Variants in MGLL observed in about 807,000 individuals in gnomAD.
MGLL encodes the protein lysophospholipase homolog.
MGLL carries 7 observed loss-of-function variants against 29.1 expected under a neutral mutation model. The observed-to-expected ratio is 0.24, with a 90% CI of 0.14 to 0.45. MGLL has a LOEUF of 0.45. MGLL is among the 20% of genes least tolerant of loss of function. MGLL has a pLI of 0.99. For missense variants in MGLL, 356 were observed against 413.6 expected, an observed-to-expected ratio of 0.86 and a Z score of 1.21; for synonymous variants, 148 against 168.3, an observed-to-expected ratio of 0.88 and a Z score of 0.93.
At chr3:127,786,680 T>A (rs2077219237) in intron 2 of MGLL, among the ~76,000 whole-genome samples, 1 of 152,244 alleles carries the variant, frequency 6.6e-6, no homozygotes, top group African/African-American at 2.4e-5. Context: ...ATGCCTTTGT[T>A]TATTAATCAG....
chr3:127,797,897 C>A (rs1228549890), intron 2 of MGLL, among the ~76,000 whole-genome samples: 1 of 152,184 alleles, frequency 6.6e-6, no homozygotes, highest in African/African-American at 2.4e-5. Flanking sequence ...TGTGGGCCCA[C>A]CATACCTGGC....
chr3:127,769,743 T>C (rs1559958135), intron 3 of MGLL, among the ~76,000 whole-genome samples: 1 of 152,184 alleles, frequency 6.6e-6, no homozygotes, highest in Admixed American at 6.5e-5. Flanking sequence ...GCCCAGACAG[T>C]GCAGGCACAT....
chr3:127,715,124 C>T (rs1382472309), intron 5 of MGLL, among the ~76,000 whole-genome samples: 1 of 152,172 alleles, frequency 6.6e-6, no homozygotes, highest in Non-Finnish European at 1.5e-5. Context: ...AACACCTCCT[C>T]CCAGTGCTGC....
At chr3:127,792,533 T>C (rs140819811) in intron 2 of MGLL, among the ~76,000 whole-genome samples, 1,966 of 152,156 alleles carry the variant, frequency 0.013, 35 homozygotes, top group South Asian at 0.037. Flanking sequence ...GAAACCCCGT[T>C]CTCTACTAAA....
rs900332246 is a variant in MGLL, at chr3:127,761,776, C to T, written c.262+20013G>A. 1.3e-5 allele frequency among the ~76,000 whole-genome samples: 2 copies of T among 152,152 alleles called. No individual in the cohort carries two copies. Among genetic ancestry groups the T allele is most frequent in the African/African-American group, 4.8e-5 (2 of 41,424 alleles). On this transcript the variant is annotated intron_variant, in intron 3 of 7. Transcript: ENST00000265052. The surrounding 1 kb of genome is among the most constrained non-coding windows in gnomAD (Gnocchi z 4.6). ...TTCATCGGCCGGGCCCTTGGGACCCCAGCTCTTCAGGGAGGGACTCCAGGC... is the reference window on the plus strand; with the variant it reads ...TTCATCGGCCGGGCCCTTGGGACCCTAGCTCTTCAGGGAGGGACTCCAGGC...
chr3:127,695,096 C>A lies in MGLL; in HGVS notation c.695G>T (p.Arg232Leu). Residue 232 changes from arginine (R) to leucine (L), a missense_variant, in exon 7 of 8, where the codon CGC becomes CTC. Arg to Leu is a moderately radical substitution (Grantham distance 102). Coordinates refer to ENST00000265052, the MANE Select transcript of MGLL (RefSeq NM_007283.7). ...QLLNAVSRVE[R>L]ALPKLTVPFL... ...GGGCACAGTCAGCTTGGGGAGGGCG[C>A]GCTCCACCCGTGAGACGGCATTCAG... The A allele has an allele frequency of 1.9e-6, 3 of 1,614,146 alleles. No individual in the cohort carries two copies. The highest frequency in any genetic ancestry group is 2.5e-6 in the Non-Finnish European group (3 of 1,180,034).
intron 3 of MGLL, among the ~76,000 whole-genome samples, chr3:127,780,251 A>G (rs2077099875): frequency 6.6e-6 from 1 of 152,254 alleles, no homozygotes; most frequent in Non-Finnish European, 1.5e-5. Flanking sequence ...TTTATCCGAT[A>G]AGAAGGTGGT....
In MGLL at chr3:127,722,760, A is replaced by T. The variant is rs528529612; in HGVS notation, c.263-194T>A. Among the ~76,000 whole-genome samples, 11 of 152,240 alleles carry T rather than the reference A, an allele frequency of 7.2e-5. No homozygotes were observed. In the South Asian group the frequency reaches 8.3e-4, roughly 11 times the overall value. Reference sequence around the variant, plus strand: ...TATGGATTAGGAAACTGAGGCACAGAGTGGTTGAGGAATGTGCCCAAGATC... The same window carrying T: ...TATGGATTAGGAAACTGAGGCACAGTGTGGTTGAGGAATGTGCCCAAGATC... On this transcript the variant is annotated intron_variant, in intron 3 of 7. Transcript: ENST00000265052.
chr3:127,762,314 T>C (rs1188814647), intron 3 of MGLL, among the ~76,000 whole-genome samples: 1 of 152,156 alleles, frequency 6.6e-6, no homozygotes, highest in African/African-American at 2.4e-5. Flanking sequence ...TAGTTCTTGG[T>C]GGGCCAGCCA....
At chr3:127,734,476 C>T (rs2076209122) in intron 3 of MGLL, among the ~76,000 whole-genome samples, 1 of 152,162 alleles carries the variant, frequency 6.6e-6, no homozygotes, top group African/African-American at 2.4e-5. Context: ...ACTGGGGGTT[C>T]GGCACAGACA....
intron 3 of MGLL, among the ~76,000 whole-genome samples, chr3:127,747,166 A>T (rs1043268321): frequency 5.9e-5 from 9 of 152,108 alleles, no homozygotes; most frequent in African/African-American, 1.9e-4. Context: ...GCTGTTGGGA[A>T]CATCTGGAGA....
At chr3:127,742,629 G>C (rs1326603501) in intron 3 of MGLL, among the ~76,000 whole-genome samples, 1 of 142,170 alleles carries the variant, frequency 7.0e-6, no homozygotes, top group Non-Finnish European at 1.5e-5. Context: ...AGAAGGCATT[G>C]TTTTGGTCTG....
rs1274845088 is a variant in MGLL, at chr3:127,689,766, CG to C, written c.*2431del. 4.6e-5 allele frequency: 7 copies of C among 152,232 alleles called. No individual in the cohort carries two copies. Among genetic ancestry groups the C allele is most frequent in the African/African-American group, 1.7e-4 (7 of 41,452 alleles). The allele number at this position is 152,232 out of a possible 1,614,324, so 9.4% of individuals were successfully genotyped here. A position where few individuals can be genotyped will look rare whatever the true frequency, so the allele number is the denominator to read the frequency against. On this transcript the variant is annotated 3_prime_UTR_variant, in exon 8 of 8. Transcript: ENST00000265052. ...TTCACAGCTTTCCAAGGACAGGGAC[CG>C]GCTCTGGAGTGGCCGTGCGTGAGAT...
rs1390549536 is a variant in MGLL, at chr3:127,692,044, A to C, written c.*154T>G. 7 of 1,081,046 alleles carry C rather than the reference A, an allele frequency of 6.5e-6. No individual in the cohort carries two copies. The African/African-American group carries it at 1.1e-4, about 17-fold the overall frequency. 67.0% of individuals were successfully genotyped at this position (1,081,046 alleles called of 1,614,324 possible). Reference sequence around the variant, plus strand: ...GTCTGATAGTCTAATGTATAACAAAAATGTCTGTTATTTTTTAGAAAATTG... The same window carrying C: ...GTCTGATAGTCTAATGTATAACAAACATGTCTGTTATTTTTTAGAAAATTG... On this transcript the variant is annotated 3_prime_UTR_variant, in exon 8 of 8. Coordinates refer to ENST00000265052, the MANE Select transcript of MGLL (RefSeq NM_007283.7).
intron 2 of MGLL, among the ~76,000 whole-genome samples, chr3:127,812,279 A>C (rs2077675911): frequency 6.6e-6 from 1 of 152,198 alleles, no homozygotes; most frequent in Admixed American, 6.5e-5. Context: ...CACATAAAAG[A>C]AAAGTGTTGA....
chr3:127,757,860 G>A lies in MGLL; in HGVS notation c.262+23929C>T, dbSNP rs1483594884. ...AACAGATTGCTGATACAGGAGTGCCGGGAAGAAACGCACACTTGCTTACAC... is the reference window on the plus strand; with the variant it reads ...AACAGATTGCTGATACAGGAGTGCCAGGAAGAAACGCACACTTGCTTACAC... On this transcript the variant is annotated intron_variant, in intron 3 of 7. Coordinates refer to ENST00000265052, the MANE Select transcript of MGLL (RefSeq NM_007283.7). 3.9e-5 allele frequency among the ~76,000 whole-genome samples: 6 copies of A among 152,174 alleles called. No homozygotes were observed. The South Asian group carries it at 8.3e-4, about 21-fold the overall frequency.
At chr3:127,733,076 T>C (rs963553754) in intron 3 of MGLL, among the ~76,000 whole-genome samples, 21 of 152,088 alleles carry the variant, frequency 1.4e-4, no homozygotes, top group African/African-American at 3.4e-4. Flanking sequence ...CAGGGTGAGA[T>C]AGGAGCTTGG....
intron 3 of MGLL, among the ~76,000 whole-genome samples, chr3:127,753,702 G>A (rs755393551): frequency 3.3e-5 from 5 of 152,136 alleles, no homozygotes; most frequent in South Asian, 2.1e-4. Context: ...TAATAAGGTC[G>A]GCATATAGTC....
chr3:127,750,218 G>A (rs1268466183), intron 3 of MGLL, among the ~76,000 whole-genome samples: 2 of 152,130 alleles, frequency 1.3e-5, no homozygotes, highest in Admixed American at 6.5e-5. Context: ...GTCTCCTGGT[G>A]TAATCAGGGC....
Sources: gnomAD v4.1 joint callset for allele counts (sites outside exome capture counted in the v4.1 genomes callset) on GRCh38, gnomAD v4.1.1 for gene constraint, Gnocchi (gnomAD v3.1) non-coding constraint, MANE v1.5 for transcripts, NCBI Gene and HGNC (gene_info 2026-07-23, HGNC 2026-07-21) for gene names.